Variants in FBXO36 observed in about 807,000 individuals in gnomAD.
The protein encoded by FBXO36 is F-box only protein 36.
A neutral mutation model predicts 17.0 loss-of-function variants in FBXO36; 18 were observed. The observed-to-expected ratio is 1.06, with a 90% CI of 0.73 to 1.57. The LOEUF (loss-of-function observed/expected upper bound fraction) is 1.57. Among genes scored for constraint, FBXO36 ranks in the 40% most tolerant of loss-of-function variants. The pLI is 0.00. For synonymous variants in FBXO36, 83 were observed against 85.3 expected, an observed-to-expected ratio of 0.97 and a Z score of 0.15; for missense variants, 229 against 221.9, an observed-to-expected ratio of 1.03 and a Z score of -0.20.
chr2:229,984,636 C>T (rs1032691730), intron 2 of FBXO36, among the ~76,000 whole-genome samples: 4 of 152,172 alleles, frequency 2.6e-5, no homozygotes, highest in African/African-American at 9.6e-5. Flanking sequence ...GATCCGCCCG[C>T]CTCAGCCTCC....
chr2:229,932,855 G>A (rs1426281091), intron 1 of FBXO36: 3 of 323,194 alleles, frequency 9.3e-6, no homozygotes, highest in Non-Finnish European at 2.0e-5. Flanking sequence ...GGATCACGAC[G>A]TCTGGAGTTG....
At chr2:229,935,123 C>T (rs759438260) in intron 1 of FBXO36, among the ~76,000 whole-genome samples, 31 of 152,138 alleles carry the variant, frequency 2.0e-4, no homozygotes, top group Non-Finnish European at 3.8e-4. Context: ...TTTTGATGCA[C>T]GCCACAGAGG....
intron 1 of FBXO36, chr2:229,973,375 C>T (rs1322271634): frequency 6.6e-6 from 1 of 151,970 alleles, no homozygotes; most frequent in Admixed American, 6.6e-5. Flanking sequence ...TTAGAATGGC[C>T]CCCGCGCAAG....
chr2:229,922,710 C>T (rs2076779553), intron 1 of FBXO36, 101 bp downstream of exon 1: 5 of 1,219,596 alleles, frequency 4.1e-6, no homozygotes, highest in Non-Finnish European at 5.8e-6. Flanking sequence ...CCGTAGCCCG[C>T]CGGAAGCGCC....
chr2:229,964,329 T>G (rs1471243444), intron 1 of FBXO36, among the ~76,000 whole-genome samples: 1 of 152,210 alleles, frequency 6.6e-6, no homozygotes, highest in African/African-American at 2.4e-5. Context: ...GAAATTGTCC[T>G]CATACCTCTT....
intron 1 of FBXO36, among the ~76,000 whole-genome samples, chr2:229,970,371 G>A (rs1017353345): frequency 6.6e-6 from 1 of 152,110 alleles, no homozygotes; most frequent in Non-Finnish European, 1.5e-5. Flanking sequence ...AGAAAAAAAT[G>A]TATATATCTG....
intron 1 of FBXO36, among the ~76,000 whole-genome samples, chr2:229,950,731 A>C (rs1385277925): frequency 6.7e-6 from 1 of 150,222 alleles, no homozygotes; most frequent in Non-Finnish European, 1.5e-5. Flanking sequence ...CATATTGGTT[A>C]ACACAGGTTA....
intron 1 of FBXO36, among the ~76,000 whole-genome samples, chr2:229,962,683 T>A (rs745578344): frequency 6.6e-5 from 10 of 151,776 alleles, no homozygotes; most frequent in Non-Finnish European, 8.8e-5. Flanking sequence ...TTGGCATTTA[T>A]TTATTTATTT....
At chr2:229,929,037 T>C (rs527712721) in intron 1 of FBXO36, among the ~76,000 whole-genome samples, 19 of 151,246 alleles carry the variant, frequency 1.3e-4, no homozygotes, top group Admixed American at 2.6e-4. Context: ...TGCAGTGGCA[T>C]GATCTTGGCT....
chr2:229,946,996 G>A (rs888297902), intron 1 of FBXO36, among the ~76,000 whole-genome samples: 4 of 151,942 alleles, frequency 2.6e-5, no homozygotes, highest in Middle Eastern at 3.2e-3. Context: ...GTGAAATCCC[G>A]TCTCTACTAA....
At chr2:229,950,936 A>G (rs915658671) in intron 1 of FBXO36, among the ~76,000 whole-genome samples, 14 of 149,886 alleles carry the variant, frequency 9.3e-5, no homozygotes, top group Admixed American at 2.0e-4. Flanking sequence ...ATTTTATTTT[A>G]TTTTATTTTA....
chr2:229,934,702 T>G lies in FBXO36; in HGVS notation c.96+12093T>G, dbSNP rs142839319. On this transcript the variant is annotated intron_variant, in intron 1 of 3. Coordinates refer to ENST00000283946, the MANE Select transcript of FBXO36 (RefSeq NM_174899.5). The stretch of plus-strand genomic sequence containing the variant: ...TGAGACAGAGCTGTGTTGCCCAGAC[T>G]GGAGTGCAATGGCGTGATCTTGGCT... Among the ~76,000 whole-genome samples the G allele has an allele frequency of 4.0e-3, 605 of 152,350 alleles. 6 individuals are homozygous for G. Among genetic ancestry groups the G allele is most frequent in the Non-Finnish European group, 6.5e-3 (443 of 68,030 alleles).
At chr2:230,002,513 A>T (rs1266108117) in intron 3 of FBXO36, among the ~76,000 whole-genome samples, 1 of 151,950 alleles carries the variant, frequency 6.6e-6, no homozygotes, top group Non-Finnish European at 1.5e-5. Context: ...CCTCCTGGGT[A>T]GCTGGGACTA....
chr2:229,999,124 A>ATTTT (rs1178050342), intron 3 of FBXO36, among the ~76,000 whole-genome samples: 1 of 107,998 alleles, frequency 9.3e-6, no homozygotes. Context: ...AAGTAATGTA[A>ATTTT]TTTTTTTTTT....
chr2:230,005,318 T>C (rs929788628), intron 3 of FBXO36, among the ~76,000 whole-genome samples: 2 of 152,090 alleles, frequency 1.3e-5, no homozygotes, highest in African/African-American at 4.8e-5. Context: ...CCTTAGCTGG[T>C]CTCGAATCTT....
At chr2:230,008,209 C>T (rs1310196709) in intron 3 of FBXO36, among the ~76,000 whole-genome samples, 1 of 152,150 alleles carries the variant, frequency 6.6e-6, no homozygotes, top group African/African-American at 2.4e-5. Context: ...CTCAGCCACT[C>T]CCCAGCATGA....
In FBXO36 at chr2:229,963,360, G is replaced by A. The variant is rs573451378; in HGVS notation, c.97-12881G>A. Among the ~76,000 whole-genome samples the A allele has an allele frequency of 6.0e-5, 9 of 150,558 alleles. No homozygotes were observed. In the South Asian group the frequency reaches 8.5e-4, roughly 14 times the overall value. On this transcript the variant is annotated intron_variant, in intron 1 of 3. Transcript: ENST00000283946. ...ATTACAGATGTGAGCGACCGTGCCC[G>A]GCCCCCCAGGTTGTTTTTTTTAGCT...
At chr2:229,935,289 C>G (rs2076958479) in intron 1 of FBXO36, among the ~76,000 whole-genome samples, 1 of 152,138 alleles carries the variant, frequency 6.6e-6, no homozygotes, top group African/African-American at 2.4e-5. Context: ...GTCTCAGATG[C>G]ACCAGCTCAG....
At chr2:229,993,490 G>A (rs548075442) in intron 2 of FBXO36, among the ~76,000 whole-genome samples, 1 of 152,280 alleles carries the variant, frequency 6.6e-6, no homozygotes, top group Middle Eastern at 3.4e-3. Context: ...GTGTGGGATG[G>A]AAATATGCGG....
Sources: allele counts gnomAD v4.1 joint callset (sites outside exome capture counted in the v4.1 genomes callset), GRCh38; gene constraint gnomAD v4.1.1; transcripts MANE v1.5; gene names NCBI Gene and HGNC (gene_info 2026-07-23, HGNC 2026-07-21).